Variants in VPS8 observed in about 807,000 individuals in gnomAD.
The protein encoded by VPS8 is VPS8 subunit of CORVET complex.
In VPS8, 129 loss-of-function variants were observed where a neutral mutation model predicts 216.4. The ratio of observed to expected loss-of-function variants is 0.60; its 90% CI spans 0.52 to 0.69. The LOEUF (loss-of-function observed/expected upper bound fraction) is 0.69, where lower values mean the gene tolerates loss of function less well. VPS8 is among the 30% of genes least tolerant of loss of function. VPS8 has a pLI of 0.00. For synonymous variants in VPS8, 571 were observed against 565.4 expected, an observed-to-expected ratio of 1.01 and a Z score of -0.14; for missense variants, 1,531 against 1,683.5, an observed-to-expected ratio of 0.91 and a Z score of 1.59.
chr3:184,901,961 ATCT>A (rs1311531296), intron 25 of VPS8, among the ~76,000 whole-genome samples: 13 of 152,188 alleles, frequency 8.5e-5, no homozygotes, highest in African/African-American at 2.7e-4. Flanking sequence ...GTGTTTTAAA[ATCT>A]TCTTAAAACT....
chr3:185,027,589 G>A (rs1007262933), intron 46 of VPS8, among the ~76,000 whole-genome samples: 10 of 152,108 alleles, frequency 6.6e-5, no homozygotes, highest in African/African-American at 2.2e-4. Context: ...TTGAGGAATC[G>A]TTAGCTGCTC....
chr3:184,846,285 G>T (rs986140685), intron 8 of VPS8, among the ~76,000 whole-genome samples: 1 of 152,198 alleles, frequency 6.6e-6, no homozygotes, highest in South Asian at 2.1e-4. Flanking sequence ...AATCCATATT[G>T]CAGGAATGGC....
rs184959168 is a variant in VPS8, at chr3:184,890,386, C to G, written c.1781+4230C>G. Reference sequence around the variant, plus strand: ...CTCACTCAATCCTGTTCCCCAGATTCCTTTTATATTAATGTCTTCTGATTG... The same window carrying G: ...CTCACTCAATCCTGTTCCCCAGATTGCTTTTATATTAATGTCTTCTGATTG... On this transcript the variant is annotated intron_variant, in intron 22 of 47. Coordinates refer to ENST00000625842, the MANE Select transcript of VPS8 (RefSeq NM_001009921.3). Among the ~76,000 whole-genome samples the G allele has an allele frequency of 2.6e-5, 4 of 152,186 alleles. No homozygotes were observed. The East Asian group carries it at 7.7e-4, about 29-fold the overall frequency.
chr3:185,027,159 C>G (rs1038453124), intron 46 of VPS8, among the ~76,000 whole-genome samples: 3 of 151,730 alleles, frequency 2.0e-5, no homozygotes, highest in Admixed American at 2.0e-4. Context: ...ATGGAAGGTG[C>G]ACAGGGTTCT....
chr3:184,910,128 ATTTTTT>A (rs10707371), intron 25 of VPS8, among the ~76,000 whole-genome samples: 86 of 87,264 alleles, frequency 9.9e-4, no homozygotes, highest in African/African-American at 3.6e-3. Flanking sequence ...AGATTCTCCT[ATTTTTT>A]TTTTTTTTTT....
At chr3:184,897,173 G>A (rs1006235073) in intron 23 of VPS8, among the ~76,000 whole-genome samples, 14 of 152,180 alleles carry the variant, frequency 9.2e-5, no homozygotes, top group African/African-American at 3.4e-4. Context: ...AATCAGGGAT[G>A]AGGGCCAAGT....
intron 1 of VPS8, chr3:184,817,143 C>T (rs572589584): frequency 6.6e-6 from 1 of 152,082 alleles, no homozygotes; most frequent in Non-Finnish European, 1.5e-5. Flanking sequence ...GGAACTTGCA[C>T]AGATGGAGGC....
intron 46 of VPS8, among the ~76,000 whole-genome samples, chr3:185,025,628 G>GT (rs1757236637): frequency 3.3e-5 from 5 of 152,206 alleles, no homozygotes. Flanking sequence ...AGGCGAGACT[G>GT]AGGCAATGAC....
chr3:184,900,028 T>C (rs1734201822), intron 24 of VPS8, among the ~76,000 whole-genome samples: 1 of 152,232 alleles, frequency 6.6e-6, no homozygotes, highest in Non-Finnish European at 1.5e-5. Flanking sequence ...TCTCTTGAAA[T>C]TGTCTAGATT....
chr3:184,892,237 T>C (rs1036998216), intron 22 of VPS8, among the ~76,000 whole-genome samples: 1 of 152,150 alleles, frequency 6.6e-6, no homozygotes, highest in African/African-American at 2.4e-5. Flanking sequence ...TTTTTTAATT[T>C]TATTTTGAGA....
In VPS8 at chr3:184,838,723, G is replaced by T; in HGVS notation, c.457G>T (p.Asp153Tyr). 1 of 1,542,410 alleles carries T rather than the reference G, an allele frequency of 6.5e-7. No individual in the cohort carries two copies. Residue 153 changes from aspartate to tyrosine, a missense_variant, in exon 6 of 48, where the codon GAT becomes TAT. Coordinates refer to ENST00000625842, the MANE Select transcript of VPS8 (RefSeq NM_001009921.3). The part of the protein sequence containing the change: ...AQIVSAADKV[D>Y]AGLPTAIAVS... Reference sequence around the variant, plus strand: ...TTAAAATTTCATTTAGGACAAAGTAGATGCTGGCTTGCCTACAGCAATTGT... The same window carrying T: ...TTAAAATTTCATTTAGGACAAAGTATATGCTGGCTTGCCTACAGCAATTGT...
At chr3:184,894,624 T>G in intron 22 of VPS8, 79 bp from the exon 23 acceptor site, 554 of 1,064,760 alleles carry the variant, frequency 5.2e-4, no homozygotes, top group Non-Finnish European at 6.9e-4. Flanking sequence ...AGGGAAAAGA[T>G]GAGATATATT....
intron 39 of VPS8, among the ~76,000 whole-genome samples, chr3:184,968,690 A>G (rs961112550): frequency 2.0e-5 from 3 of 152,128 alleles, no homozygotes; most frequent in Admixed American, 6.5e-5. Context: ...TGTCTATTCA[A>G]GTCCTTTACC....
In VPS8 at chr3:184,915,406, G is replaced by T. The variant is rs1737373519; in HGVS notation, c.2314G>T (p.Glu772Ter). The T allele has an allele frequency of 6.2e-7, 1 of 1,613,860 alleles. No homozygotes were observed. The highest frequency in any genetic ancestry group is 8.5e-7 in the Non-Finnish European group (1 of 1,179,872). Residue 772 changes from glutamate to a stop codon, truncating the protein, a stop_gained, in exon 28 of 48, where the codon GAA (glutamate) becomes TAA (stop). Transcript: ENST00000625842. LOFTEE classifies it high-confidence loss of function. ...TTCAGCAGAGGCTTCTCCTGAGGAA[G>T]AAATCTATCCTTACATTCGGACTTT... is the stretch of plus-strand genomic sequence containing the variant. Reference protein sequence around the residue: ...LHSAEASPEEEIYPYIRTLLH... With the variant: ...LHSAEASPEE
chr3:184,813,140 G>C (rs1402196327), intron 1 of VPS8, among the ~76,000 whole-genome samples: 2 of 152,098 alleles, frequency 1.3e-5, no homozygotes, highest in Non-Finnish European at 2.9e-5. Context: ...ATCGGTGAGA[G>C]GTTCCATGGC....
chr3:185,013,920 A>G (rs1351527556), intron 45 of VPS8, among the ~76,000 whole-genome samples: 2 of 152,212 alleles, frequency 1.3e-5, no homozygotes, highest in East Asian at 1.9e-4. Context: ...CTTTTCTGCA[A>G]TGCAATCTTC....
intron 45 of VPS8, among the ~76,000 whole-genome samples, chr3:185,014,907 T>C (rs931716205): frequency 6.6e-6 from 1 of 152,190 alleles, no homozygotes; most frequent in Non-Finnish European, 1.5e-5. Context: ...GAAAAGGTGA[T>C]CTTTAACACA....
intron 16 of VPS8, among the ~76,000 whole-genome samples, chr3:184,864,930 T>C (rs1168893598): frequency 2.0e-5 from 3 of 152,198 alleles, no homozygotes; most frequent in Admixed American, 6.5e-5. Context: ...ATAGTAGTTA[T>C]TATGACTATA....
chr3:184,903,639 G>T (rs886079943), intron 25 of VPS8, among the ~76,000 whole-genome samples: 1 of 151,708 alleles, frequency 6.6e-6, no homozygotes, highest in African/African-American at 2.4e-5. Context: ...CTCAAGACAG[G>T]GTCTTGCTAT....
Sources: gnomAD v4.1 joint callset for allele counts (sites outside exome capture counted in the v4.1 genomes callset) on GRCh38, gnomAD v4.1.1 for gene constraint, MANE v1.5 for transcripts, NCBI Gene and HGNC (gene_info 2026-07-23, HGNC 2026-07-21) for gene names.